Variants in PDE7B observed in about 807,000 individuals in gnomAD.
PDE7B encodes the protein phosphodiesterase 7B, also known as 3',5'-cyclic-AMP phosphodiesterase 7B.
In PDE7B, 29 loss-of-function variants were observed where a neutral mutation model predicts 56.2. That is an observed-to-expected ratio of 0.52 (90% CI 0.38 to 0.70). The LOEUF is 0.70. PDE7B is among the 30% of genes least tolerant of loss of function. PDE7B has a pLI of 0.00. For synonymous variants in PDE7B, 197 were observed against 196.9 expected (o/e 1.00, Z 0.00); for missense variants, 490 against 565.0 (o/e 0.87, Z 1.35).
intron 2 of PDE7B, among the ~76,000 whole-genome samples, chr6:136,009,300 A>G (rs926618979): frequency 6.6e-6 from 1 of 152,010 alleles, no homozygotes; most frequent in Non-Finnish European, 1.5e-5. Flanking sequence ...TTGGCTTAGG[A>G]TTGACTTGGC....
chr6:136,085,700 T>C (rs1228036220), intron 2 of PDE7B, among the ~76,000 whole-genome samples: 2 of 152,284 alleles, frequency 1.3e-5, no homozygotes. Context: ...GAAAAGTCAA[T>C]ACTGAAAAGT....
At chr6:135,863,068 C>T (rs747032126) in intron 1 of PDE7B, among the ~76,000 whole-genome samples, 45 of 151,748 alleles carry the variant, frequency 3.0e-4, no homozygotes, top group Admixed American at 2.4e-3. Context: ...AATGTATAAC[C>T]GAATATATAG....
chr6:135,862,458 T>G (rs976975100), intron 1 of PDE7B, among the ~76,000 whole-genome samples: 2 of 151,902 alleles, frequency 1.3e-5, no homozygotes, highest in Non-Finnish European at 3.0e-5. Context: ...TTTGAAACTA[T>G]GTTGATGAAA....
intron 8 of PDE7B, among the ~76,000 whole-genome samples, chr6:136,168,537 A>G (rs146264555): frequency 9.8e-4 from 150 of 152,288 alleles, no homozygotes; most frequent in African/African-American, 3.6e-3. Context: ...GGGAGAATGT[A>G]AAAAATTTTG....
intron 1 of PDE7B, among the ~76,000 whole-genome samples, chr6:135,906,832 T>TTTTTTTTTTTTTTTTTTTGTTTTTTTTTG (rs1257351941): frequency 6.9e-6 from 1 of 144,008 alleles, no homozygotes; most frequent in African/African-American, 2.7e-5. Flanking sequence ...TTTTTTTTTT[T>TTTTTTTTTTTTTTTTTTTGTTTTTTTTTG]TTTTAATCCT....
At chr6:136,161,254 ACT>A (rs1236655509) in intron 8 of PDE7B, among the ~76,000 whole-genome samples, 1 of 151,966 alleles carries the variant, frequency 6.6e-6, no homozygotes, top group Non-Finnish European at 1.5e-5. Flanking sequence ...ATTTTCCAGT[ACT>A]CTCTTACTTC....
At chr6:136,151,283 C>A in intron 6 of PDE7B, 28 bp downstream of exon 6, 2 of 1,199,530 alleles carry the variant, frequency 1.7e-6, no homozygotes, top group African/African-American at 1.5e-5. Context: ...CATTTCTAGC[C>A]CCATTCTCTT....
intron 1 of PDE7B, among the ~76,000 whole-genome samples, chr6:135,932,523 G>C (rs368160839): frequency 3.9e-5 from 6 of 152,178 alleles, no homozygotes; most frequent in East Asian, 3.8e-4. Flanking sequence ...TGAACATATG[G>C]AGAAGGGGAG....
intron 8 of PDE7B, among the ~76,000 whole-genome samples, chr6:136,164,358 G>A (rs551288753): frequency 8.5e-5 from 13 of 152,190 alleles, no homozygotes; most frequent in South Asian, 4.2e-4. Flanking sequence ...ACCTCTCACC[G>A]GGTCCCTCCT....
rs370867496 is a variant in PDE7B at position 136,183,457 on chromosome 6, A to G, written c.1045+2134A>G. Reference sequence around the variant, plus strand: ...AAATACAAAAAAAAATTAGCCGGGCATGGTGGCGGGCACCTGTAGTCCCAG... The same window carrying G: ...AAATACAAAAAAAAATTAGCCGGGCGTGGTGGCGGGCACCTGTAGTCCCAG... On this transcript the variant is annotated intron_variant, in intron 11 of 12. Coordinates refer to ENST00000308191, the MANE Select transcript of PDE7B (RefSeq NM_018945.4). Among the ~76,000 whole-genome samples, 29 of 151,832 alleles carry G rather than the reference A, an allele frequency of 1.9e-4. No homozygotes were observed. In the East Asian group the frequency reaches 3.7e-3, roughly 20 times the overall value.
chr6:136,082,687 G>A (rs1181808804), intron 2 of PDE7B, among the ~76,000 whole-genome samples: 2 of 152,166 alleles, frequency 1.3e-5, no homozygotes, highest in East Asian at 3.9e-4. Context: ...ACATTCAGGA[G>A]TGTTTCTGAT....
chr6:136,097,024 G>A (rs1362100347), intron 2 of PDE7B, among the ~76,000 whole-genome samples: 1 of 152,054 alleles, frequency 6.6e-6, no homozygotes, highest in East Asian at 1.9e-4. Flanking sequence ...ACACAATTCT[G>A]GTTTTCCTCC....
At position 136,103,855 on chromosome 6, in the gene PDE7B, C is replaced by T. The variant is rs533756268; in HGVS notation, c.83-4876C>T. ...ACCCTGAAATGACCTTGACATACCACGACAGGGGCCAGAGTCTGGTTCTTG... is the reference window on the plus strand; with the variant it reads ...ACCCTGAAATGACCTTGACATACCATGACAGGGGCCAGAGTCTGGTTCTTG... On this transcript the variant is annotated intron_variant, in intron 2 of 12. Transcript: ENST00000308191. Among the ~76,000 whole-genome samples the T allele has an allele frequency of 1.0e-3, 158 of 152,320 alleles. 1 individual carries two copies. Among genetic ancestry groups the T allele is most frequent in the Non-Finnish European group, 3.2e-4 (22 of 68,030 alleles).
At chr6:135,925,576 C>T (rs1261506077) in intron 1 of PDE7B, among the ~76,000 whole-genome samples, 1 of 152,096 alleles carries the variant, frequency 6.6e-6, no homozygotes, top group African/African-American at 2.4e-5. Context: ...TTTGCCAGTA[C>T]CTTGCCACAA....
intron 7 of PDE7B, 58 bp from the exon 8 acceptor site, chr6:136,155,569 A>T: frequency 6.7e-7 from 1 of 1,485,362 alleles, no homozygotes; most frequent in East Asian, 2.3e-5. Context: ...AGCCAAAATG[A>T]TTATGAGCCT....
At chr6:135,926,889 T>C (rs908693696) in intron 1 of PDE7B, among the ~76,000 whole-genome samples, 6 of 150,662 alleles carry the variant, frequency 4.0e-5, no homozygotes, top group South Asian at 2.1e-4. Context: ...TGTTGACTCA[T>C]AAAGATTCCG....
At chr6:135,857,048 C>CCCTTCCTT (rs1775047005) in intron 1 of PDE7B, among the ~76,000 whole-genome samples, 1 of 69,976 alleles carries the variant, frequency 1.4e-5, no homozygotes, top group African/African-American at 3.8e-5. Flanking sequence ...CTCCCTCCCT[C>CCCTTCCTT]CCTCCCTTCC....
At chr6:135,913,036 T>C (rs1440734692) in intron 1 of PDE7B, among the ~76,000 whole-genome samples, 1 of 152,210 alleles carries the variant, frequency 6.6e-6, no homozygotes, top group African/African-American at 2.4e-5. Flanking sequence ...GTCTTCTGAC[T>C]CTAAATCCCA....
intron 1 of PDE7B, among the ~76,000 whole-genome samples, chr6:135,945,038 ATCCTTC>A (rs1774571636): frequency 6.6e-6 from 1 of 151,774 alleles, no homozygotes; most frequent in Non-Finnish European, 1.5e-5. Context: ...GAAACCTCTG[ATCCTTC>A]ATTTAAAAAT....
Sources: allele counts gnomAD v4.1 joint callset (sites outside exome capture counted in the v4.1 genomes callset), GRCh38; gene constraint gnomAD v4.1.1; transcripts MANE v1.5; gene names NCBI Gene and HGNC (gene_info 2026-07-23, HGNC 2026-07-21).